The following IGFL2 variants were observed in gnomAD, a reference collection of about 807,000 sequenced individuals.
IGFL2 encodes the protein insulin growth factor-like family member 2.
Under a neutral mutation model 13.9 loss-of-function variants are expected in IGFL2, and 7 were observed. The ratio of observed to expected loss-of-function variants is 0.51; its 90% confidence interval spans 0.29 to 0.95. IGFL2 has a LOEUF of 0.95. Among genes scored for constraint, IGFL2 ranks in the 40% least tolerant of loss-of-function variants. The pLI is 0.08. For missense variants in IGFL2, 138 were observed against 147.8 expected (o/e 0.93, Z 0.34); for synonymous variants, 55 against 55.8 (o/e 0.99, Z 0.07).
At chr19:46,174,989 G>C in the IGFL2 span, among the ~76,000 whole-genome samples, 1 of 152,130 alleles carries the variant, frequency 6.6e-6, no homozygotes, top group Non-Finnish European at 1.5e-5. Flanking sequence ...AAGCTTGCTT[G>C]TCAAGAATCT....
chr19:46,085,909 C>T, the IGFL2 span, among the ~76,000 whole-genome samples: 2 of 152,204 alleles, frequency 1.3e-5, no homozygotes, highest in African/African-American at 2.4e-5. Context: ...AGAAACCATA[C>T]AGGAACATTG....
At chr19:46,081,333 T>C in the IGFL2 span, among the ~76,000 whole-genome samples, 463 of 152,340 alleles carry the variant, frequency 3.0e-3, 2 homozygotes, top group African/African-American at 0.011. Context: ...TATGGTGAAT[T>C]TGTCTTTTTC....
the IGFL2 span, among the ~76,000 whole-genome samples, chr19:46,176,976 T>A: frequency 6.6e-6 from 1 of 152,204 alleles, no homozygotes; most frequent in Non-Finnish European, 1.5e-5. Context: ...GCACACGCAT[T>A]ACCCTACCCA....
intron 1 of IGFL2, chr19:46,148,879 A>G (rs2302789): frequency 0.024 from 36,685 of 1,537,014 alleles, 811 homozygotes; most frequent in East Asian, 0.086. Context: ...TAGATCTGCA[A>G]TCTGTTGGGA....
At chr19:46,094,291 A>G in the IGFL2 span, among the ~76,000 whole-genome samples, 3 of 152,090 alleles carry the variant, frequency 2.0e-5, no homozygotes, top group East Asian at 1.9e-4. Flanking sequence ...AAAATGGCCA[A>G]TTGAGTTTTA....
the IGFL2 span, among the ~76,000 whole-genome samples, chr19:46,091,612 T>C: frequency 4.6e-5 from 7 of 152,240 alleles, no homozygotes; most frequent in Non-Finnish European, 7.3e-5. Flanking sequence ...ATGTCATTCA[T>C]TGTAGGTGTA....
chr19:46,210,118 AG>A, the IGFL2 span: 2 of 152,248 alleles, frequency 1.3e-5, no homozygotes, highest in Non-Finnish European at 1.5e-5. Flanking sequence ...GTTGATGATC[AG>A]AAACCTTAGC....
At chr19:46,182,705 C>T in the IGFL2 span, among the ~76,000 whole-genome samples, 1 of 152,094 alleles carries the variant, frequency 6.6e-6, no homozygotes, top group Non-Finnish European at 1.5e-5. Context: ...TCAGATCGTC[C>T]CTTTTCATTG....
chr19:46,215,266 C>T, the IGFL2 span, among the ~76,000 whole-genome samples: 3 of 151,910 alleles, frequency 2.0e-5, no homozygotes, highest in Non-Finnish European at 4.4e-5. Context: ...TGAAAATATT[C>T]CAATAGATAA....
At chr19:46,129,306 T>TG in the IGFL2 span, among the ~76,000 whole-genome samples, 1,992 of 126,002 alleles carry the variant, frequency 0.016, 35 homozygotes, top group African/African-American at 0.057. Context: ...TTGTTGATCT[T>TG]TTGTGTGTGT....
chr19:46,153,655 A>G (rs1351878452), intron 1 of IGFL2, among the ~76,000 whole-genome samples: 1 of 152,008 alleles, frequency 6.6e-6, no homozygotes, highest in East Asian at 1.9e-4. Context: ...TACAAGTTAT[A>G]TAATTGCTTA....
chr19:46,165,746 T>A (rs919527703), downstream of IGFL2, among the ~76,000 whole-genome samples: 1 of 152,204 alleles, frequency 6.6e-6, no homozygotes, highest in African/African-American at 2.4e-5. Flanking sequence ...CATCCACTGA[T>A]AGTATCTGGC....
the IGFL2 span, chr19:46,214,735 A>G: frequency 6.6e-6 from 1 of 152,338 alleles, no homozygotes. Context: ...CTCCTCCATG[A>G]GCCGTCCAGG....
At chr19:46,175,413 C>T in the IGFL2 span, among the ~76,000 whole-genome samples, 3 of 152,168 alleles carry the variant, frequency 2.0e-5, no homozygotes, top group Non-Finnish European at 2.9e-5. Flanking sequence ...TCTACAATGC[C>T]TCCATGCAGG....
At chr19:46,182,352 GAA>G in the IGFL2 span, among the ~76,000 whole-genome samples, 1 of 114,214 alleles carries the variant, frequency 8.8e-6, no homozygotes, top group South Asian at 3.0e-4. Context: ...GGGCAACAGA[GAA>G]AGACTTTGCC....
At chr19:46,214,575 G>C in the IGFL2 span, 3 of 152,196 alleles carry the variant, frequency 2.0e-5, no homozygotes, top group Non-Finnish European at 4.4e-5. Context: ...CAGCAGCGCT[G>C]CATGGTCGGA....
the IGFL2 span, among the ~76,000 whole-genome samples, chr19:46,188,839 C>T: frequency 3.3e-5 from 5 of 152,316 alleles, no homozygotes; most frequent in South Asian, 2.1e-4. Context: ...TTTAGCAACT[C>T]GGACAGAGCC....
At chr19:46,161,297 G>A (rs1394763440), downstream of IGFL2, 1 of 396,682 alleles carries the variant, frequency 2.5e-6, no homozygotes. Flanking sequence ...GTACACACCT[G>A]TACCCAATGT....
the IGFL2 span, among the ~76,000 whole-genome samples, chr19:46,103,260 C>CCTT: frequency 6.6e-6 from 1 of 150,514 alleles, no homozygotes; most frequent in Non-Finnish European, 1.5e-5. Flanking sequence ...ACAGAGTCCC[C>CCTT]TTTTTTTTTA....
Sources: allele counts gnomAD v4.1 joint callset (sites outside exome capture counted in the v4.1 genomes callset), GRCh38; gene constraint gnomAD v4.1.1; transcripts MANE v1.5; gene names NCBI Gene and HGNC (gene_info 2026-07-23, HGNC 2026-07-21).